The following DGKD variants were observed in gnomAD, a reference collection of about 807,000 sequenced individuals.
DGKD encodes DAG kinase delta.
A neutral mutation model predicts 154.4 loss-of-function variants in DGKD; 68 were observed. That is an observed-to-expected ratio of 0.44 (90% CI 0.36 to 0.54). The LOEUF is 0.54. Ranked by LOEUF, DGKD falls within the 20% of genes least tolerant of loss-of-function variation. The pLI is 0.00. For missense variants in DGKD, 1,343 were observed against 1,593.6 expected (o/e 0.84, Z 2.68); for synonymous variants, 693 against 638.0 (o/e 1.09, Z -1.30).
intron 26 of DGKD, 33 bp downstream of exon 26, chr2:233,462,768 G>A: frequency 6.3e-7 from 1 of 1,589,504 alleles, no homozygotes; most frequent in Non-Finnish European, 8.6e-7. Flanking sequence ...GCAGGGCTCG[G>A]GCTGTGTGTG....
chr2:233,393,735 G>A (rs1167106647), intron 3 of DGKD, among the ~76,000 whole-genome samples: 2 of 149,818 alleles, frequency 1.3e-5, no homozygotes, highest in Admixed American at 6.7e-5. Context: ...CCAGGGGGGA[G>A]TGTAGTGGTG....
chr2:233,454,257 T>C (rs1021002397), intron 18 of DGKD: 2 of 397,252 alleles, frequency 5.0e-6, no homozygotes, highest in African/African-American at 4.2e-5. Flanking sequence ...GGTCAATAGA[T>C]GCAGGTTAGC....
chr2:233,429,098 C>G (rs770345892), intron 3 of DGKD: 1 of 984,454 alleles, frequency 1.0e-6, no homozygotes, highest in African/African-American at 1.7e-5. Context: ...TCTAGTACAC[C>G]CTCTCCTTCA....
chr2:233,354,948 G>GCGCGC lies in DGKD; in HGVS notation c.156+277_156+281dup, dbSNP rs1278576126. The stretch of plus-strand genomic sequence containing the variant: ...GGGCGCCGCGCGCTGGGCGGGGGGC[G>GCGCGC]CGCGCCGAGTTGGGCCGCGAGGACC... On this transcript the variant is annotated intron_variant, in intron 1 of 29. Coordinates refer to ENST00000264057, the MANE Select transcript of DGKD (RefSeq NM_152879.3). The surrounding 1 kb of genome is among the most constrained non-coding windows in gnomAD (Gnocchi z 4.8). Among the ~76,000 whole-genome samples the GCGCGC allele has an allele frequency of 1.2e-4, 18 of 148,706 alleles. No individual in the cohort carries two copies. Among genetic ancestry groups the GCGCGC allele is most frequent in the Non-Finnish European group, 2.7e-4 (18 of 66,956 alleles).
chr2:233,424,204 C>G (rs1166808252), intron 3 of DGKD, among the ~76,000 whole-genome samples: 1 of 152,138 alleles, frequency 6.6e-6, no homozygotes. Context: ...CAGCGTGACA[C>G]AGTTTGCTGG....
rs2063053694 is a variant in DGKD at position 233,445,878 on chromosome 2, A to G, written c.1334+116A>G. 1 of 1,312,084 alleles carries G rather than the reference A, an allele frequency of 7.6e-7. No homozygotes were observed. The highest frequency in any genetic ancestry group is 1.0e-6 in the Non-Finnish European group (1 of 981,950). The allele number at this position is 1,312,084 out of a possible 1,614,324, so 81.3% of individuals were successfully genotyped here. A position where few individuals can be genotyped will look rare whatever the true frequency, so the allele number is the denominator to read the frequency against. ...ACATGGGCCCTCTGAAATTATTTGT[A>G]AAGATTTGACCTGAGTATATATTCG... On this transcript the variant is annotated intron_variant, in intron 11 of 29. Coordinates refer to ENST00000264057, the MANE Select transcript of DGKD (RefSeq NM_152879.3). The surrounding 1 kb of genome is among the most constrained non-coding windows in gnomAD (Gnocchi z 5.5).
At chr2:233,391,676 A>C (rs1703631817) in intron 3 of DGKD, among the ~76,000 whole-genome samples, 1 of 152,218 alleles carries the variant, frequency 6.6e-6, no homozygotes, top group South Asian at 2.1e-4. Flanking sequence ...TTTATAATTC[A>C]GTCAAGGTGA....
At chr2:233,460,504 C>T (rs1424546305) in intron 24 of DGKD, among the ~76,000 whole-genome samples, 159 bp downstream of exon 24, 1 of 152,204 alleles carries the variant, frequency 6.6e-6, no homozygotes, top group African/African-American at 2.4e-5. Context: ...TCAGCTCTGG[C>T]TCATTTCCCC....
chr2:233,367,861 T>C (rs1243653049), intron 1 of DGKD, among the ~76,000 whole-genome samples: 2 of 149,376 alleles, frequency 1.3e-5, no homozygotes, highest in East Asian at 2.0e-4. Flanking sequence ...CTTTTTTTTT[T>C]TTTTTTTTTA....
chr2:233,440,723 G>C lies in DGKD; in HGVS notation c.1086-1164G>C, dbSNP rs955130760. ...GCTGCGGGTGCTGGCCAAGAGGTTC[G>C]ACTCCTTCCTGCAAATGAGGGGCAG... On this transcript the variant is annotated intron_variant, in intron 9 of 29. Coordinates refer to ENST00000264057, the MANE Select transcript of DGKD (RefSeq NM_152879.3). The surrounding 1 kb of genome is among the most constrained non-coding windows in gnomAD (Gnocchi z 4.9). Among the ~76,000 whole-genome samples the C allele has an allele frequency of 1.3e-5, 2 of 152,198 alleles. No individual in the cohort carries two copies. The highest frequency in any genetic ancestry group is 4.8e-5 in the African/African-American group (2 of 41,448).
chr2:233,448,012 G>A, intron 12 of DGKD, 75 bp from the exon 13 acceptor site: 1 of 1,597,252 alleles, frequency 6.3e-7, no homozygotes, highest in Non-Finnish European at 8.5e-7. Flanking sequence ...GGAAGTGGCT[G>A]ACAGAGTCAC....
At chr2:233,387,880 A>G (rs1464515577) in intron 1 of DGKD, among the ~76,000 whole-genome samples, 1 of 152,176 alleles carries the variant, frequency 6.6e-6, no homozygotes, top group African/African-American at 2.4e-5. Context: ...AGAATAGCTG[A>G]AAAATACCAA....
At chr2:233,363,160 A>G (rs992803254) in intron 1 of DGKD, among the ~76,000 whole-genome samples, 1 of 152,240 alleles carries the variant, frequency 6.6e-6, no homozygotes, top group Non-Finnish European at 1.5e-5. Flanking sequence ...ATCCAGAAGA[A>G]GGCATTGTTA....
chr2:233,471,239 A>G lies in DGKD; in HGVS notation c.*1779A>G, dbSNP rs746821652. The G allele has an allele frequency of 4.6e-5, 7 of 152,410 alleles. No individual in the cohort carries two copies. Among genetic ancestry groups the G allele is most frequent in the African/African-American group, 9.6e-5 (4 of 41,458 alleles). 9.4% of individuals were successfully genotyped at this position (152,410 alleles called of 1,614,324 possible). The stretch of plus-strand genomic sequence containing the variant: ...GGATTTTTGGATGAAAGACTCTCCC[A>G]CGCTCTGTTGGTGGACTTAGCTGCC... On this transcript the variant is annotated 3_prime_UTR_variant, in exon 30 of 30. Coordinates refer to ENST00000264057, the MANE Select transcript of DGKD (RefSeq NM_152879.3).
intron 3 of DGKD, among the ~76,000 whole-genome samples, chr2:233,418,884 C>T (rs2125538219): frequency 6.6e-6 from 1 of 152,332 alleles, no homozygotes; most frequent in East Asian, 1.9e-4. Flanking sequence ...GCGGAGCTCA[C>T]CCGGACCTGG....
chr2:233,389,678 G>A (rs1703455426), intron 2 of DGKD, among the ~76,000 whole-genome samples: 1 of 152,058 alleles, frequency 6.6e-6, no homozygotes, highest in Admixed American at 6.6e-5. Flanking sequence ...TGAGTTATTA[G>A]TTTGATTTTC....
Position 233,449,215 on chromosome 2 carries a change from A to G in DGKD, c.1727A>G (p.Asp576Gly), listed in dbSNP as rs2063185582. The change falls in exon 15 of 30, where the codon GAT becomes GGT. Residue 576 changes from aspartate to glycine, a missense_variant. Asp to Gly is a moderately conservative substitution (Grantham distance 94). This residue lies in a region of DGKD where 409 missense variants were observed against 446.0 expected (regional missense o/e 0.92). Transcript: ENST00000264057. This position sits in a 1 kb window ranked among gnomAD's most constrained non-coding sequence, Gnocchi z 5.3. Reference protein sequence around the residue: ...PPPTIAEEAEDGDGSGSICGS... With the variant: ...PPPTIAEEAEGGDGSGSICGS... ...CCCACCATTGCCGAGGAGGCTGAAG[A>G]TGGAGATGGGTCGGGCAGCATCTGC... The G allele has an allele frequency of 6.2e-6, 10 of 1,613,884 alleles. No individual in the cohort carries two copies. The highest frequency in any genetic ancestry group is 8.5e-6 in the Non-Finnish European group (10 of 1,179,940).
chr2:233,392,772 A>G (rs1342821399), intron 3 of DGKD, among the ~76,000 whole-genome samples: 1 of 152,154 alleles, frequency 6.6e-6, no homozygotes, highest in Non-Finnish European at 1.5e-5. Flanking sequence ...CATTTTTTGA[A>G]CCTTTTCACT....
intron 3 of DGKD, among the ~76,000 whole-genome samples, chr2:233,411,823 G>A (rs777371727): frequency 1.3e-5 from 2 of 151,976 alleles, no homozygotes; most frequent in Non-Finnish European, 2.9e-5. Context: ...TTCTTCCCCC[G>A]ACCCCCATAT....
Sources: gnomAD v4.1 joint callset for allele counts (sites outside exome capture counted in the v4.1 genomes callset) on GRCh38, gnomAD v4.1.1 for gene constraint, gnomAD v4.1.1 regional missense constraint, Gnocchi (gnomAD v3.1) non-coding constraint, MANE v1.5 for transcripts, NCBI Gene and HGNC (gene_info 2026-07-23, HGNC 2026-07-21) for gene names.